The following SHTN1 variants were observed in gnomAD, a reference collection of about 807,000 sequenced individuals.
The protein encoded by SHTN1 is shootin 1, also known as shootin-1.
A neutral mutation model predicts 83.1 loss-of-function variants in SHTN1; 42 were observed. The ratio of observed to expected loss-of-function variants is 0.51; its 90% confidence interval spans 0.39 to 0.65. The LOEUF (loss-of-function observed/expected upper bound fraction) is 0.65. Ranked by LOEUF, SHTN1 falls within the 30% of genes least tolerant of loss-of-function variation. The pLI is 0.00. For missense variants in SHTN1, 622 were observed against 737.8 expected (o/e 0.84, Z 1.82); for synonymous variants, 224 against 247.7 (o/e 0.90, Z 0.90).
chr10:117,038,473 G>A (rs985412784), intron 2 of SHTN1, among the ~76,000 whole-genome samples: 1 of 150,794 alleles, frequency 6.6e-6, no homozygotes, highest in Non-Finnish European at 1.5e-5. Context: ...CCAAAGGCAT[G>A]CTATGAAAGA....
intron 3 of SHTN1, among the ~76,000 whole-genome samples, chr10:116,963,973 G>GTTTT (rs34054568): frequency 1.0e-4 from 15 of 146,168 alleles, no homozygotes; most frequent in Non-Finnish European, 1.4e-4. Flanking sequence ...TAGGGTAACT[G>GTTTT]TTTTTTTTTT....
chr10:116,913,696 A>T (rs1013294540), intron 13 of SHTN1, among the ~76,000 whole-genome samples: 29 of 152,170 alleles, frequency 1.9e-4, no homozygotes, highest in African/African-American at 7.0e-4. Flanking sequence ...GAAAGTCATA[A>T]AAATGGATTC....
chr10:117,094,997 C>T (rs1023375445), intron 1 of SHTN1, among the ~76,000 whole-genome samples: 9 of 152,164 alleles, frequency 5.9e-5, no homozygotes. Context: ...TTGTTTTTAG[C>T]CAGCTTTCTC....
At chr10:116,970,029 G>A (rs1028344232) in intron 2 of SHTN1, among the ~76,000 whole-genome samples, 2 of 152,044 alleles carry the variant, frequency 1.3e-5, no homozygotes, top group Non-Finnish European at 2.9e-5. Flanking sequence ...CATCCCTTTG[G>A]ATGTTCTTAA....
At chr10:116,912,367 G>C (rs560248098) in intron 13 of SHTN1, among the ~76,000 whole-genome samples, 1 of 152,216 alleles carries the variant, frequency 6.6e-6, no homozygotes, top group African/African-American at 2.4e-5. Context: ...GGACAGAGTC[G>C]AGAGAGCAGG....
Position 116,939,400 on chromosome 10 carries a change from C to T in SHTN1, c.858+1066G>A, listed in dbSNP as rs79145739. ...TTCCTCACAGCACAGTCTCTCGTGGCTTCCCTTGGCTAGGAGAGGGAGTTC... is the reference window on the plus strand; with the variant it reads ...TTCCTCACAGCACAGTCTCTCGTGGTTTCCCTTGGCTAGGAGAGGGAGTTC... On this transcript the variant is annotated intron_variant, in intron 9 of 16. Coordinates refer to ENST00000355371, the MANE Select transcript of SHTN1 (RefSeq NM_001127211.3). Among the ~76,000 whole-genome samples the T allele has an allele frequency of 9.7e-3, 1,480 of 152,282 alleles. 17 individuals are homozygous for T. The highest frequency in any genetic ancestry group is 0.034 in the African/African-American group (1,393 of 41,552).
At chr10:116,951,848 G>A in intron 6 of SHTN1, 61 bp downstream of exon 6, 1 of 934,350 alleles carries the variant, frequency 1.1e-6, no homozygotes, top group South Asian at 1.7e-5. Flanking sequence ...TCTTAACTTA[G>A]CAAATCCCCA....
chr10:117,039,862 A>G (rs1462402662), intron 2 of SHTN1, among the ~76,000 whole-genome samples: 5 of 151,702 alleles, frequency 3.3e-5, no homozygotes, highest in Non-Finnish European at 7.4e-5. Context: ...AAAAAAAAAA[A>G]AAAGAAAGAA....
intron 1 of SHTN1, among the ~76,000 whole-genome samples, chr10:117,099,023 C>A (rs1853549809): frequency 6.7e-6 from 1 of 149,444 alleles, no homozygotes; most frequent in South Asian, 2.1e-4. Flanking sequence ...CACACACACA[C>A]ACACACACAC....
At chr10:117,039,444 CAACAT>C (rs1369837639) in intron 2 of SHTN1, among the ~76,000 whole-genome samples, 2 of 152,136 alleles carry the variant, frequency 1.3e-5, no homozygotes, top group African/African-American at 2.4e-5. Context: ...ATAGGCTCTA[CAACAT>C]CTATAGTGAA....
chr10:117,065,788 GGA>G (rs1852982197), intron 1 of SHTN1, among the ~76,000 whole-genome samples: 3 of 13,164 alleles, frequency 2.3e-4, no homozygotes, highest in South Asian at 6.0e-3. Flanking sequence ...AAGAAAGGAA[GGA>G]AGGAAGGAAG....
chr10:116,935,425 TG>T (rs1849122901), intron 9 of SHTN1, among the ~76,000 whole-genome samples: 1 of 152,216 alleles, frequency 6.6e-6, no homozygotes, highest in Admixed American at 6.5e-5. Context: ...GAGATAATCA[TG>T]TGGTTTTTGT....
intron 1 of SHTN1, among the ~76,000 whole-genome samples, chr10:117,123,927 GC>G (rs1197991577): frequency 1.5e-5 from 2 of 134,978 alleles, no homozygotes; most frequent in African/African-American, 5.7e-5. Flanking sequence ...AAAAAAAATT[GC>G]TGGCCAGGCA....
chr10:116,909,837 T>C (rs892862037), intron 14 of SHTN1, among the ~76,000 whole-genome samples: 1 of 152,192 alleles, frequency 6.6e-6, no homozygotes, highest in Non-Finnish European at 1.5e-5. Context: ...ACTGAGCTTC[T>C]TTCTGGTTCT....
At chr10:117,000,453 AAG>A (rs1851783741) in intron 1 of SHTN1, among the ~76,000 whole-genome samples, 1 of 152,200 alleles carries the variant, frequency 6.6e-6, no homozygotes, top group South Asian at 2.1e-4. Context: ...TAAAGGTGAA[AAG>A]AGGTTTAAAA....
At chr10:117,088,933 C>T (rs917982885) in intron 1 of SHTN1, among the ~76,000 whole-genome samples, 12 of 152,278 alleles carry the variant, frequency 7.9e-5, no homozygotes, top group South Asian at 2.1e-4. Flanking sequence ...AGACCATGAA[C>T]GTGTTAAGTA....
chr10:117,090,564 T>C (rs941899881), intron 1 of SHTN1, among the ~76,000 whole-genome samples: 22 of 152,322 alleles, frequency 1.4e-4, no homozygotes, highest in Admixed American at 1.1e-3. Context: ...CTATATGTAT[T>C]TTCCACAATT....
chr10:116,980,244 C>G (rs1850966312), intron 1 of SHTN1, among the ~76,000 whole-genome samples: 1 of 152,116 alleles, frequency 6.6e-6, no homozygotes, highest in Non-Finnish European at 1.5e-5. Flanking sequence ...TGCTGCTCAC[C>G]CCAGGGCTGG....
intron 1 of SHTN1, among the ~76,000 whole-genome samples, chr10:117,060,755 T>A (rs926481458): frequency 1.3e-5 from 2 of 152,246 alleles, no homozygotes; most frequent in Non-Finnish European, 2.9e-5. Context: ...TGTACCATCT[T>A]GAAGTTGGTT....
Sources: gnomAD v4.1 joint callset for allele counts (sites outside exome capture counted in the v4.1 genomes callset) on GRCh38, gnomAD v4.1.1 for gene constraint, MANE v1.5 for transcripts, NCBI Gene and HGNC (gene_info 2026-07-23, HGNC 2026-07-21) for gene names.